ADAMTS17: variants seen among roughly 807,000 people sequenced by gnomAD.
ADAMTS17 encodes ADAM metallopeptidase with thrombospondin type 1 motif 17.
In ADAMTS17, 113 loss-of-function variants were observed where a neutral mutation model predicts 141.5. That is an observed-to-expected ratio of 0.80 (90% CI 0.69 to 0.93). ADAMTS17 has a LOEUF of 0.93. Ranked by LOEUF, ADAMTS17 falls within the 40% of genes least tolerant of loss-of-function variation. ADAMTS17 has a pLI of 0.00. For missense variants in ADAMTS17, 1,659 were observed against 1,517.9 expected, an observed-to-expected ratio of 1.09 and a Z score of -1.54; for synonymous variants, 768 against 630.6, an observed-to-expected ratio of 1.22 and a Z score of -3.27.
chr15:100,138,722 G>A (rs1368132177), intron 10 of ADAMTS17, among the ~76,000 whole-genome samples: 1 of 152,178 alleles, frequency 6.6e-6, no homozygotes, highest in Non-Finnish European at 1.5e-5. Flanking sequence ...CAATATTTGA[G>A]AAGAAAACAG....
At chr15:100,203,286 G>C (rs373928203) in intron 7 of ADAMTS17, among the ~76,000 whole-genome samples, 14 of 152,312 alleles carry the variant, frequency 9.2e-5, no homozygotes, top group African/African-American at 3.4e-4. Context: ...AAATGAAGGG[G>C]TGTGGGCCAG....
chr15:100,302,387 T>C (rs748609585), intron 3 of ADAMTS17, among the ~76,000 whole-genome samples: 10 of 152,252 alleles, frequency 6.6e-5, no homozygotes, highest in Non-Finnish European at 1.2e-4. Context: ...CTCAAGTTTC[T>C]GTGTGGATAA....
intron 10 of ADAMTS17, 117 bp from the exon 11 acceptor site, chr15:100,133,432 G>A (rs970677111): frequency 1.1e-6 from 1 of 916,018 alleles, no homozygotes; most frequent in East Asian, 2.6e-5. Context: ...AACGTATGGG[G>A]AAGCCAGAGG....
At chr15:100,109,483 A>AGGGG (rs2036613227) in intron 13 of ADAMTS17, among the ~76,000 whole-genome samples, 3 of 109,156 alleles carry the variant, frequency 2.7e-5, no homozygotes, top group Non-Finnish European at 4.2e-5. Context: ...CGAGGGTGTG[A>AGGGG]AGGGAGGGGG....
intron 18 of ADAMTS17, among the ~76,000 whole-genome samples, chr15:100,034,506 C>T (rs569367309): frequency 2.0e-5 from 3 of 152,224 alleles, no homozygotes; most frequent in Non-Finnish European, 2.9e-5. Context: ...CCTGGCCTCA[C>T]CTGAAGAGCA....
At chr15:100,193,298 T>C (rs962216781) in intron 8 of ADAMTS17, among the ~76,000 whole-genome samples, 1 of 152,206 alleles carries the variant, frequency 6.6e-6, no homozygotes, top group African/African-American at 2.4e-5. Flanking sequence ...ACTAAGCCTG[T>C]CTATGCTAGC....
At chr15:100,115,840 T>C (rs1444768904) in intron 13 of ADAMTS17, among the ~76,000 whole-genome samples, 2 of 152,176 alleles carry the variant, frequency 1.3e-5, no homozygotes, top group African/African-American at 4.8e-5. Context: ...CATGAAGTCA[T>C]GCGGTCTGTC....
At chr15:100,089,984 A>G (rs934631237) in intron 15 of ADAMTS17, among the ~76,000 whole-genome samples, 18 of 132,522 alleles carry the variant, frequency 1.4e-4, no homozygotes, top group Non-Finnish European at 2.1e-4. Context: ...AAAGTATAAT[A>G]ATAAAATTAA....
chr15:100,187,415 C>A (rs183127412), intron 8 of ADAMTS17, among the ~76,000 whole-genome samples: 2 of 152,274 alleles, frequency 1.3e-5, no homozygotes, highest in African/African-American at 4.8e-5. Flanking sequence ...GTAGGAGTTG[C>A]TATAAACACA....
rs191440300 is a variant in ADAMTS17, at chr15:99,974,639, G to C, written c.3128-77C>G. ...CCTGATGCAGGCACAGGGAGGGCTT[G>C]TGGTCTGACCGTCTGGGCTCCCTCA... is the stretch of plus-strand genomic sequence containing the variant. On this transcript the variant is annotated intron_variant, in intron 21 of 21. Coordinates refer to ENST00000268070, the MANE Select transcript of ADAMTS17 (RefSeq NM_139057.4). 6.7e-4 allele frequency: 1,059 copies of C among 1,585,280 alleles called. 9 individuals carry two copies. The Middle Eastern group carries it at 8.0e-3, about 12-fold the overall frequency.
At chr15:100,296,368 C>G (rs2044811814) in intron 3 of ADAMTS17, among the ~76,000 whole-genome samples, 1 of 152,098 alleles carries the variant, frequency 6.6e-6, no homozygotes, top group Non-Finnish European at 1.5e-5. Flanking sequence ...TGAAGTTTTC[C>G]ACAGCTGCAT....
At chr15:100,219,512 A>G (rs2042067304) in intron 7 of ADAMTS17, among the ~76,000 whole-genome samples, 1 of 152,162 alleles carries the variant, frequency 6.6e-6, no homozygotes, top group Non-Finnish European at 1.5e-5. Flanking sequence ...TCATAACCCC[A>G]TCCCTATATA....
chr15:99,975,441 C>T (rs2581375), intron 21 of ADAMTS17, among the ~76,000 whole-genome samples: 91,987 of 151,894 alleles, frequency 0.61, 29,263 homozygotes, highest in Non-Finnish European at 0.71. Context: ...AACTCCTGAC[C>T]TCAGGTGATC....
chr15:100,340,957 C>CGGG, intron 2 of ADAMTS17, 82 bp downstream of exon 2: 2 of 1,499,820 alleles, frequency 1.3e-6, no homozygotes, highest in Non-Finnish European at 1.8e-6. Flanking sequence ...CCAGCAGAGG[C>CGGG]GCCCCACCCC....
At chr15:100,112,355 C>A (rs1198616863) in intron 13 of ADAMTS17, among the ~76,000 whole-genome samples, 1 of 152,134 alleles carries the variant, frequency 6.6e-6, no homozygotes, top group Non-Finnish European at 1.5e-5. Flanking sequence ...GCTTCCCTTC[C>A]CTGCTCAGCC....
At chr15:100,114,750 T>C (rs112505196) in intron 13 of ADAMTS17, among the ~76,000 whole-genome samples, 72 of 152,202 alleles carry the variant, frequency 4.7e-4, no homozygotes, top group African/African-American at 1.7e-3. Context: ...CCAATCCAAG[T>C]GGCCCCCCAG....
intron 4 of ADAMTS17, among the ~76,000 whole-genome samples, chr15:100,273,821 C>T (rs1273191890): frequency 6.6e-6 from 1 of 152,160 alleles, no homozygotes; most frequent in Non-Finnish European, 1.5e-5. Flanking sequence ...GCTATACATG[C>T]TATACATTTC....
At chr15:100,153,147 T>A (rs2039267140) in intron 9 of ADAMTS17, among the ~76,000 whole-genome samples, 1 of 152,214 alleles carries the variant, frequency 6.6e-6, no homozygotes, top group South Asian at 2.1e-4. Context: ...AAAGAACAAG[T>A]ACAAGTTAGA....
chr15:99,984,439 G>C (rs556441263), intron 20 of ADAMTS17, among the ~76,000 whole-genome samples: 2 of 152,208 alleles, frequency 1.3e-5, no homozygotes, highest in Non-Finnish European at 2.9e-5. Context: ...AAGCACACTC[G>C]AGGGACTGTT....
Sources: allele counts gnomAD v4.1 joint callset (sites outside exome capture counted in the v4.1 genomes callset), GRCh38; gene constraint gnomAD v4.1.1; transcripts MANE v1.5; gene names NCBI Gene and HGNC (gene_info 2026-07-23, HGNC 2026-07-21).